The following SLC4A4 variants were observed in gnomAD, a reference collection of about 807,000 sequenced individuals.
SLC4A4 encodes the protein electrogenic sodium bicarbonate cotransporter 1.
Under a neutral mutation model 111.5 loss-of-function variants are expected in SLC4A4, and 27 were observed. That is an observed-to-expected ratio of 0.24 (90% CI 0.18 to 0.33). The LOEUF (loss-of-function observed/expected upper bound fraction) is 0.33. Among genes scored for constraint, SLC4A4 ranks in the 10% least tolerant of loss-of-function variants. The pLI is 1.00. For synonymous variants in SLC4A4, 443 were observed against 463.4 expected, an observed-to-expected ratio of 0.96 and a Z score of 0.57; for missense variants, 909 against 1,315.5, an observed-to-expected ratio of 0.69 and a Z score of 4.78.
chr4:71,137,549 C>T (rs1743878907), intron 2 of SLC4A4, among the ~76,000 whole-genome samples: 1 of 152,226 alleles, frequency 6.6e-6, no homozygotes, highest in Non-Finnish European at 1.5e-5. Context: ...AGAACTGTCT[C>T]GTTACTTGAA....
At chr4:71,186,915 A>T (rs1745473699), upstream of SLC4A4, 3 of 152,468 alleles carry the variant, frequency 2.0e-5, no homozygotes, top group African/African-American at 7.2e-5. Flanking sequence ...CAGGAGGCAA[A>T]GTAGAGTAGA....
intron 16 of SLC4A4, among the ~76,000 whole-genome samples, chr4:71,524,879 G>A (rs150445572): frequency 1.3e-5 from 2 of 152,206 alleles, no homozygotes; most frequent in Non-Finnish European, 1.5e-5. Context: ...GAGCCCACAG[G>A]GTGCCTGTCG....
intron 3 of SLC4A4, among the ~76,000 whole-genome samples, chr4:71,337,961 C>A (rs1172476259): frequency 6.6e-6 from 1 of 151,920 alleles, no homozygotes; most frequent in African/African-American, 2.4e-5. Context: ...TCTTGAGTAG[C>A]TGGGAATACA....
At chr4:71,156,358 C>T (rs1411027704) in intron 2 of SLC4A4, among the ~76,000 whole-genome samples, 6 of 152,092 alleles carry the variant, frequency 3.9e-5, no homozygotes, top group Non-Finnish European at 7.4e-5. Flanking sequence ...TGATGCTTCA[C>T]TCTGTGCACA....
At chr4:71,113,205 G>A (rs949449539) in intron 2 of SLC4A4, among the ~76,000 whole-genome samples, 6 of 152,172 alleles carry the variant, frequency 3.9e-5, no homozygotes, top group African/African-American at 1.4e-4. Context: ...TGTAGAGATT[G>A]TCCAACACTA....
At chr4:71,218,486 C>T (rs1238032095) in intron 1 of SLC4A4, among the ~76,000 whole-genome samples, 2 of 152,154 alleles carry the variant, frequency 1.3e-5, no homozygotes, top group African/African-American at 2.4e-5. Context: ...AAATGTATTT[C>T]ACTGTAGAAA....
In SLC4A4 at chr4:71,197,099, C is replaced by A. The variant is rs192945825; in HGVS notation, c.-2+9698C>A. Among the ~76,000 whole-genome samples the A allele has an allele frequency of 5.2e-3, 790 of 151,966 alleles. 3 individuals carry two copies. The highest frequency in any genetic ancestry group is 0.014 in the Middle Eastern group (4 of 294). Reference sequence around the variant, plus strand: ...GCATGGTGGTGGGCACCTGTAATCCCAGCTACTTGGGAGGCTAAGACAGGA... The same window carrying A: ...GCATGGTGGTGGGCACCTGTAATCCAAGCTACTTGGGAGGCTAAGACAGGA... On this transcript the variant is annotated intron_variant, in intron 1 of 25. Transcript: ENST00000264485.
At chr4:71,328,441 C>T (rs1727677655) in intron 3 of SLC4A4, among the ~76,000 whole-genome samples, 1 of 152,090 alleles carries the variant, frequency 6.6e-6, no homozygotes, top group South Asian at 2.1e-4. Context: ...TTCCCACCAA[C>T]AGTGTATGAG....
intron 7 of SLC4A4, among the ~76,000 whole-genome samples, chr4:71,397,938 T>C (rs1378288461): frequency 6.6e-6 from 1 of 152,186 alleles, no homozygotes; most frequent in Non-Finnish European, 1.5e-5. Flanking sequence ...CTGCCTTCTG[T>C]TTATTCTAGG....
intron 9 of SLC4A4, 123 bp downstream of exon 9, chr4:71,447,856 G>A: frequency 1.3e-6 from 1 of 742,564 alleles, no homozygotes; most frequent in South Asian, 1.5e-5. Context: ...ATAGCATGAG[G>A]TACGGTCATT....
At chr4:71,507,475 A>G (rs1731522129) in intron 16 of SLC4A4, among the ~76,000 whole-genome samples, 1 of 152,224 alleles carries the variant, frequency 6.6e-6, no homozygotes, top group Non-Finnish European at 1.5e-5. Context: ...ACTTCAAACC[A>G]ACAAAGATGA....
At chr4:71,103,246 T>C (rs1482630173) in intron 2 of SLC4A4, among the ~76,000 whole-genome samples, 5 of 150,768 alleles carry the variant, frequency 3.3e-5, no homozygotes, top group African/African-American at 1.2e-4. Flanking sequence ...ATGCACCCAA[T>C]ACAGGAGCAC....
chr4:71,369,017 C>T (rs1176452641), intron 6 of SLC4A4, among the ~76,000 whole-genome samples: 1 of 152,192 alleles, frequency 6.6e-6, no homozygotes, highest in East Asian at 1.9e-4. Context: ...TCCTCCTCCT[C>T]CTGTCTTCTG....
chr4:71,218,995 G>A (rs936422762), intron 1 of SLC4A4, among the ~76,000 whole-genome samples: 4 of 152,098 alleles, frequency 2.6e-5, no homozygotes, highest in Admixed American at 6.6e-5. Flanking sequence ...AGTAATACAA[G>A]GGACTGTATT....
At chr4:71,358,880 A>G (rs557980255) in intron 6 of SLC4A4, among the ~76,000 whole-genome samples, 18 of 152,362 alleles carry the variant, frequency 1.2e-4, no homozygotes, top group Non-Finnish European at 1.9e-4. Flanking sequence ...CTTATTTAAT[A>G]ATCCACTTTC....
At chr4:71,317,083 T>C (rs926341349) in intron 3 of SLC4A4, among the ~76,000 whole-genome samples, 18 of 147,970 alleles carry the variant, frequency 1.2e-4, no homozygotes, top group African/African-American at 3.7e-4. Flanking sequence ...TGCGTGTGTG[T>C]GTGTGTGTGT....
intron 6 of SLC4A4, among the ~76,000 whole-genome samples, chr4:71,361,523 C>T (rs966874291): frequency 2.7e-4 from 41 of 152,210 alleles, no homozygotes; most frequent in African/African-American, 9.9e-4. Flanking sequence ...GCTATCATTT[C>T]TCAGTAGATT....
At chr4:71,233,408 A>G in intron 1 of SLC4A4, 1 of 542,178 alleles carries the variant, frequency 1.8e-6, no homozygotes. Context: ...ACTCGGTAGC[A>G]GTACTCTCCT....
intron 3 of SLC4A4, among the ~76,000 whole-genome samples, chr4:71,271,360 T>C (rs543838535): frequency 1.3e-5 from 2 of 152,354 alleles, no homozygotes; most frequent in Admixed American, 6.5e-5. Context: ...TCTGGTGCTC[T>C]TTTTACAGTA....
Sources: gnomAD v4.1 joint callset for allele counts (sites outside exome capture counted in the v4.1 genomes callset) on GRCh38, gnomAD v4.1.1 for gene constraint, MANE v1.5 for transcripts, NCBI Gene and HGNC (gene_info 2026-07-23, HGNC 2026-07-21) for gene names.